ALDH4A1: variants seen among roughly 807,000 people sequenced by gnomAD.
ALDH4A1 encodes aldehyde dehydrogenase 4 family member A1, also known as delta-1-pyrroline-5-carboxylate dehydrogenase, mitochondrial.
ALDH4A1 carries 46 observed loss-of-function variants against 70.5 expected under a neutral mutation model. The observed-to-expected ratio is 0.65, with a 90% CI of 0.51 to 0.83. ALDH4A1 has a LOEUF of 0.83. ALDH4A1 is among the 40% of genes least tolerant of loss of function. ALDH4A1 has a pLI of 0.00. For synonymous variants in ALDH4A1, 323 were observed against 324.3 expected, an observed-to-expected ratio of 1.00 and a Z score of 0.04; for missense variants, 749 against 766.5, an observed-to-expected ratio of 0.98 and a Z score of 0.27.
At chr1:18,901,251 C>A (rs1935787984) in intron 1 of ALDH4A1, among the ~76,000 whole-genome samples, 1 of 152,202 alleles carries the variant, frequency 6.6e-6, no homozygotes, top group Non-Finnish European at 1.5e-5. Context: ...CTTCCTGCGC[C>A]CTTTCCTATC....
rs146055473 is a variant in ALDH4A1 at position 18,879,150 on chromosome 1, C to G, written c.940+150G>C. On this transcript the variant is annotated intron_variant, in intron 9 of 14. Coordinates refer to ENST00000375341, the MANE Select transcript of ALDH4A1 (RefSeq NM_003748.4). The stretch of plus-strand genomic sequence containing the variant: ...TGAAGGTACTGGACGCATCCCTCAT[C>G]ACAAAAAGTTCTACTGGGCAGTGCT... 1,504 of 730,024 alleles carry G rather than the reference C, an allele frequency of 2.1e-3. 20 individuals carry two copies. In the African/African-American group the frequency reaches 0.024, roughly 12 times the overall value. 45.2% of individuals were successfully genotyped at this position (730,024 alleles called of 1,614,324 possible).
At chr1:18,876,661 C>CTGTGTGTGTGTATGTGTGTGTG (rs1553153211) in intron 11 of ALDH4A1, among the ~76,000 whole-genome samples, 194 bp from the exon 12 acceptor site, 61 of 146,828 alleles carry the variant, frequency 4.2e-4, no homozygotes, top group Admixed American at 8.1e-4. Context: ...GACATGAACA[C>CTGTGTGTGTGTATGTGTGTGTG]TGTGTGTGTG....
intron 4 of ALDH4A1, 124 bp from the exon 5 acceptor site, chr1:18,885,752 G>T (rs1197054486): frequency 6.6e-6 from 9 of 1,373,764 alleles, no homozygotes; most frequent in African/African-American, 2.9e-5. Context: ...TGTCTCCCTG[G>T]GCCCTCAGCC....
chr1:18,882,912 T>C (rs1557617415), intron 7 of ALDH4A1, among the ~76,000 whole-genome samples: 1 of 152,280 alleles, frequency 6.6e-6, no homozygotes, highest in East Asian at 1.9e-4. Flanking sequence ...AGTTCAGGGA[T>C]TGCCAGGGTC....
intron 2 of ALDH4A1, among the ~76,000 whole-genome samples, chr1:18,889,805 G>A (rs1029900456): frequency 6.6e-6 from 1 of 152,222 alleles, no homozygotes; most frequent in African/African-American, 2.4e-5. Context: ...GGCCTGAGAA[G>A]CCCCAGAGTA....
At chr1:18,879,107 T>C (rs1326560907) in intron 9 of ALDH4A1, among the ~76,000 whole-genome samples, 193 bp downstream of exon 9, 2 of 152,226 alleles carry the variant, frequency 1.3e-5, no homozygotes, top group African/African-American at 4.8e-5. Context: ...GTGTGGCTGG[T>C]GGCTGCATAT....
rs1935833178 is a variant in ALDH4A1, at chr1:18,902,442, C to CG, written c.62+19dup. The CG allele has an allele frequency of 7.5e-7, 1 of 1,340,664 alleles. No homozygotes were observed. The highest frequency in any genetic ancestry group is 1.5e-5 in the African/African-American group (1 of 65,458). 83.0% of individuals were successfully genotyped at this position (1,340,664 alleles called of 1,614,324 possible). A position where few individuals can be genotyped will look rare whatever the true frequency, so the allele number is the denominator to read the frequency against. On this transcript the variant is annotated intron_variant, in intron 1 of 14. Coordinates refer to ENST00000375341, the MANE Select transcript of ALDH4A1 (RefSeq NM_003748.4). Reference sequence around the variant, plus strand: ...CCCCAGGCGCGCGCTCGGGCCGCCCCGGGCCCCGTGCTCACTCACCCGGCC... The same window carrying CG: ...CCCCAGGCGCGCGCTCGGGCCGCCCCGGGGCCCCGTGCTCACTCACCCGGCC...
Position 18,883,497 on chromosome 1 carries a change from C to T in ALDH4A1, c.454-69G>A, listed in dbSNP as rs569703837. ...CTGTCCATCCTCTTCTCACATCTGA[C>T]GCTGTGCCCAAAGCGAGCACTGAGC... On this transcript the variant is annotated intron_variant, in intron 5 of 14. Transcript: ENST00000375341. 3.7e-5 allele frequency: 59 copies of T among 1,602,952 alleles called. No homozygotes were observed. The East Asian group carries it at 7.8e-4, about 21-fold the overall frequency.
chr1:18,882,840 C>A (rs908538663), intron 7 of ALDH4A1, among the ~76,000 whole-genome samples: 2 of 152,212 alleles, frequency 1.3e-5, no homozygotes, highest in Non-Finnish European at 2.9e-5. Context: ...AGCCTCACAA[C>A]CCAGTCATGG....
intron 13 of ALDH4A1, 135 bp downstream of exon 13, chr1:18,875,245 CCT>C: frequency 7.0e-7 from 1 of 1,429,628 alleles, no homozygotes; most frequent in African/African-American, 1.4e-5. Context: ...GCCCTGGCTG[CCT>C]GTCTGGGCTG....
At chr1:18,899,814 G>A (rs748895657) in intron 1 of ALDH4A1, among the ~76,000 whole-genome samples, 8 of 152,212 alleles carry the variant, frequency 5.3e-5, no homozygotes, top group Non-Finnish European at 8.8e-5. Flanking sequence ...GAGGCTGGCC[G>A]TGATAAATAT....
At chr1:18,882,479 A>G (rs2100573866) in intron 7 of ALDH4A1, 1 of 491,354 alleles carries the variant, frequency 2.0e-6, no homozygotes, top group Admixed American at 2.0e-5. Flanking sequence ...GACTTCATCC[A>G]GTAATAGCCA....
intron 4 of ALDH4A1, 65 bp downstream of exon 4, chr1:18,886,399 G>T: frequency 6.4e-7 from 1 of 1,552,142 alleles, no homozygotes; most frequent in Non-Finnish European, 8.9e-7. Context: ...CATATCAGCA[G>T]CTGGCAGGGC....
rs1935692137 is a variant in ALDH4A1 at position 18,898,344 on chromosome 1, C to CA, written c.62+4117dup. On this transcript the variant is annotated intron_variant, in intron 1 of 14. Transcript: ENST00000375341. The surrounding 1 kb of genome is among the most constrained non-coding windows in gnomAD (Gnocchi z 4.3). Reference sequence around the variant, plus strand: ...CTCCAAAACAAACAAACAAACAAACCAACAATAATAACAGAAGAGGTTTGG... The same window carrying CA: ...CTCCAAAACAAACAAACAAACAAACCAAACAATAATAACAGAAGAGGTTTGG... 2.0e-5 allele frequency among the ~76,000 whole-genome samples: 3 copies of CA among 150,554 alleles called. No homozygotes were observed. The highest frequency in any genetic ancestry group is 7.5e-5 in the African/African-American group (3 of 40,076).
At position 18,889,459 on chromosome 1, in the gene ALDH4A1, G is replaced by A. The variant is rs1165747289; in HGVS notation, c.157-5C>T. On this transcript the variant is annotated splice_polypyrimidine_tract_variant and splice_region_variant and intron_variant, in intron 2 of 14. Transcript: ENST00000375341. ...GCCCTTCAGGTCCTTCAAGGCCTGG[G>A]GAGAGGGACAAGAGTGGGTATGGTC... 1 of 1,551,286 alleles carries A rather than the reference G, an allele frequency of 6.4e-7. No homozygotes were observed. Among genetic ancestry groups the A allele is most frequent in the Non-Finnish European group, 8.7e-7 (1 of 1,146,714 alleles).
At chr1:18,876,605 AGG>A (rs1171559915) in intron 11 of ALDH4A1, 138 bp from the exon 12 acceptor site, 1 of 974,858 alleles carries the variant, frequency 1.0e-6, no homozygotes, top group Non-Finnish European at 1.5e-6. Flanking sequence ...GGGGACGCCA[AGG>A]GCAAAAGCCA....
At chr1:18,890,895 G>A in intron 1 of ALDH4A1, 2 of 985,472 alleles carry the variant, frequency 2.0e-6, no homozygotes, top group Non-Finnish European at 1.2e-6. Flanking sequence ...TTGGCACAAA[G>A]GGCTGAGAGC....
In ALDH4A1 at chr1:18,880,195, G is replaced by A. The variant is rs963614780; in HGVS notation, c.867-822C>T. The stretch of plus-strand genomic sequence containing the variant: ...CCCCAGCAAAGCTGCGGGGAAGGGG[G>A]TGGCAGAGCCTGGGGCCTGGAAGAG... On this transcript the variant is annotated intron_variant, in intron 8 of 14. Transcript: ENST00000375341. This position sits in a 1 kb window ranked among gnomAD's most constrained non-coding sequence, Gnocchi z 5.1. Among the ~76,000 whole-genome samples the A allele has an allele frequency of 1.3e-5, 2 of 152,120 alleles. No individual in the cohort carries two copies. Among genetic ancestry groups the A allele is most frequent in the Non-Finnish European group, 2.9e-5 (2 of 67,998 alleles).
chr1:18,894,771 A>G (rs1392795254), intron 1 of ALDH4A1, among the ~76,000 whole-genome samples: 1 of 152,084 alleles, frequency 6.6e-6, no homozygotes, highest in Non-Finnish European at 1.5e-5. Context: ...CCTGGAGAAC[A>G]GACACTAGTT....
Sources: allele counts gnomAD v4.1 joint callset (sites outside exome capture counted in the v4.1 genomes callset), GRCh38; gene constraint gnomAD v4.1.1; non-coding constraint Gnocchi (gnomAD v3.1); transcripts MANE v1.5; gene names NCBI Gene and HGNC (gene_info 2026-07-23, HGNC 2026-07-21).